KIAA1217: variants seen among roughly 807,000 people sequenced by gnomAD.
The protein encoded by KIAA1217 is sickle tail protein homolog.
KIAA1217 carries 88 observed loss-of-function variants against 163.9 expected under a neutral mutation model. That is an observed-to-expected ratio of 0.54 (90% confidence interval 0.45 to 0.64). The LOEUF (loss-of-function observed/expected upper bound fraction) is 0.64. Among genes scored for constraint, KIAA1217 ranks in the 30% least tolerant of loss-of-function variants. The probability of loss-of-function intolerance (pLI) is 0.00; values close to 1 mark genes in which losing one functional copy is unlikely to be tolerated. For missense variants in KIAA1217, 2,372 were observed against 2,475.0 expected, an observed-to-expected ratio of 0.96 and a Z score of 0.88; for synonymous variants, 903 against 923.1, an observed-to-expected ratio of 0.98 and a Z score of 0.39.
intron 2 of KIAA1217, among the ~76,000 whole-genome samples, chr10:24,174,263 G>C (rs2065765913): frequency 2.6e-5 from 4 of 152,196 alleles, no homozygotes; most frequent in Admixed American, 2.6e-4. Flanking sequence ...TGTCTGTCTA[G>C]CTCTTGGCTT....
intron 2 of KIAA1217, among the ~76,000 whole-genome samples, chr10:24,147,383 C>T (rs902736280): frequency 4.6e-5 from 7 of 152,062 alleles, no homozygotes; most frequent in Admixed American, 1.3e-4. Flanking sequence ...GTTTAGAGAG[C>T]TTTTCCTAAC....
intron 2 of KIAA1217, among the ~76,000 whole-genome samples, chr10:24,098,243 A>G (rs2062241296): frequency 6.6e-6 from 1 of 152,052 alleles, no homozygotes; most frequent in Admixed American, 6.6e-5. Context: ...ACCTGCTGCT[A>G]CTTTCACAGT....
At chr10:23,964,899 C>A (rs1042063874) in intron 1 of KIAA1217, among the ~76,000 whole-genome samples, 1 of 152,112 alleles carries the variant, frequency 6.6e-6, no homozygotes, top group African/African-American at 2.4e-5. Context: ...CTTGGCCATG[C>A]AACCACCCAT....
intron 2 of KIAA1217, among the ~76,000 whole-genome samples, chr10:24,056,249 G>A (rs984593902): frequency 1.3e-5 from 2 of 152,084 alleles, no homozygotes; most frequent in African/African-American, 2.4e-5. Flanking sequence ...GATCGCTTGA[G>A]CCTGGGAGAT....
rs1011790943 is a variant in KIAA1217, at chr10:23,790,731, G to A, written c.-321+95497G>A. On this transcript the variant is annotated intron_variant, in intron 1 of 18. Transcript: ENST00000376462. ...TATATATATGTATGTATGTATGTAT[G>A]TATGTATGTATGTAAAATCTGAGAC... Among the ~76,000 whole-genome samples the A allele has an allele frequency of 5.5e-5, 8 of 146,550 alleles. No individual in the cohort carries two copies. The East Asian group carries it at 1.4e-3, about 25-fold the overall frequency.
chr10:24,000,055 G>A (rs2131461532), intron 1 of KIAA1217, among the ~76,000 whole-genome samples: 1 of 152,180 alleles, frequency 6.6e-6, no homozygotes, highest in East Asian at 1.9e-4. Flanking sequence ...GATAGAGTAA[G>A]ACCCTATCTA....
chr10:24,303,320 T>C (rs558414515), intron 2 of KIAA1217, among the ~76,000 whole-genome samples: 1 of 152,026 alleles, frequency 6.6e-6, no homozygotes, highest in African/African-American at 2.4e-5. Flanking sequence ...CTGGCCTCCA[T>C]TGGAGGGTTT....
intron 14 of KIAA1217, among the ~76,000 whole-genome samples, 168 bp from the exon 15 acceptor site, chr10:24,531,662 T>G (rs2073145766): frequency 6.6e-6 from 1 of 152,212 alleles, no homozygotes; most frequent in Non-Finnish European, 1.5e-5. Context: ...AGGGTCTTTT[T>G]GGGATTTAAA....
intron 2 of KIAA1217, among the ~76,000 whole-genome samples, chr10:24,161,580 T>C (rs1014135316): frequency 2.0e-5 from 3 of 152,192 alleles, no homozygotes; most frequent in African/African-American, 7.2e-5. Flanking sequence ...CACAGGAAAG[T>C]TGAGAAGGTA....
chr10:23,784,490 G>A (rs1420923780), intron 1 of KIAA1217, among the ~76,000 whole-genome samples: 1 of 151,912 alleles, frequency 6.6e-6, no homozygotes. Context: ...ATTGTTTTCT[G>A]TGGGGTTTTT....
chr10:23,982,606 C>T (rs1845819979), intron 1 of KIAA1217, among the ~76,000 whole-genome samples: 2 of 136,518 alleles, frequency 1.5e-5, no homozygotes, highest in South Asian at 4.9e-4. Context: ...TTTTGTTGCT[C>T]AGGCTGGAGT....
At chr10:24,088,272 T>TATATATATATATATATATATATATAC (rs1554861345) in intron 2 of KIAA1217, among the ~76,000 whole-genome samples, 1 of 107,196 alleles carries the variant, frequency 9.3e-6, no homozygotes, top group African/African-American at 2.9e-5. Flanking sequence ...TATATATATA[T>TATATATATATATATATATATATATAC]ATACACACAT....
At chr10:24,277,993 TATGCC>T (rs1264284009) in intron 2 of KIAA1217, among the ~76,000 whole-genome samples, 1 of 152,242 alleles carries the variant, frequency 6.6e-6, no homozygotes, top group Non-Finnish European at 1.5e-5. Context: ...TCTATGGACC[TATGCC>T]TTTTGTCCTT....
chr10:24,515,137 G>A (rs2069867431), intron 10 of KIAA1217, among the ~76,000 whole-genome samples: 1 of 151,816 alleles, frequency 6.6e-6, no homozygotes, highest in African/African-American at 2.4e-5. Flanking sequence ...CATGATCTCG[G>A]CTCACTGCAA....
chr10:24,520,389 A>G, intron 11 of KIAA1217, 136 bp downstream of exon 11: 1 of 1,205,392 alleles, frequency 8.3e-7, no homozygotes, highest in African/African-American at 1.5e-5. Flanking sequence ...TGTTCTGGAC[A>G]CTTGGGATAC....
intron 2 of KIAA1217, among the ~76,000 whole-genome samples, chr10:24,273,255 A>G (rs1037874707): frequency 7.2e-5 from 11 of 152,314 alleles, no homozygotes; most frequent in Non-Finnish European, 1.3e-4. Flanking sequence ...TCTTATTAAC[A>G]TTTGCAAAGT....
At chr10:23,900,052 A>G (rs1489745482) in intron 1 of KIAA1217, among the ~76,000 whole-genome samples, 1 of 148,854 alleles carries the variant, frequency 6.7e-6, no homozygotes, top group African/African-American at 2.5e-5. Flanking sequence ...TGTTGCCCAG[A>G]CTGGAGTGCA....
chr10:24,303,461 G>A (rs976060227), intron 2 of KIAA1217, among the ~76,000 whole-genome samples: 2 of 152,224 alleles, frequency 1.3e-5, no homozygotes, highest in African/African-American at 4.8e-5. Flanking sequence ...GCCATGAGAG[G>A]TGAGAATTAA....
chr10:24,401,900 A>T (rs1028601267), intron 3 of KIAA1217, among the ~76,000 whole-genome samples: 5 of 152,344 alleles, frequency 3.3e-5, no homozygotes, highest in Middle Eastern at 3.4e-3. Flanking sequence ...ATTTCTATAT[A>T]CTAAGAATGA....
Sources: gnomAD v4.1 joint callset for allele counts (sites outside exome capture counted in the v4.1 genomes callset) on GRCh38, gnomAD v4.1.1 for gene constraint, MANE v1.5 for transcripts, NCBI Gene and HGNC (gene_info 2026-07-23, HGNC 2026-07-21) for gene names.